ZBTB20: variants seen among roughly 807,000 people sequenced by gnomAD.
ZBTB20 encodes the protein zinc finger and BTB domain-containing protein 20.
In ZBTB20, 9 loss-of-function variants were observed where a neutral mutation model predicts 56.9. The observed-to-expected ratio is 0.16, with a 90% CI of 0.10 to 0.28. The LOEUF (loss-of-function observed/expected upper bound fraction) is 0.28. Among genes scored for constraint, ZBTB20 ranks in the 10% least tolerant of loss-of-function variants. The pLI is 1.00. For missense variants in ZBTB20, 655 were observed against 1,003.0 expected, an observed-to-expected ratio of 0.65 and a Z score of 4.69; for synonymous variants, 417 against 420.7, an observed-to-expected ratio of 0.99 and a Z score of 0.11.
chr3:114,454,175 G>GGGGAGAGAGAGA (rs1192815934), intron 7 of ZBTB20, among the ~76,000 whole-genome samples: 1 of 116,676 alleles, frequency 8.6e-6, no homozygotes, highest in South Asian at 3.2e-4. Flanking sequence ...AAAAGAGAAG[G>GGGGAGAGAGAGA]GAGAGAGAGA....
rs72943839 is a variant in ZBTB20, at chr3:115,038,466, A to G, written c.-507+32753T>C. 5.9e-3 allele frequency among the ~76,000 whole-genome samples: 896 copies of G among 152,306 alleles called. 12 individuals are homozygous for G. The highest frequency in any genetic ancestry group is 0.021 in the African/African-American group (867 of 41,576). On this transcript the variant is annotated intron_variant, in intron 2 of 11. Coordinates refer to ENST00000675478, the MANE Select transcript of ZBTB20 (RefSeq NM_001348800.3). The stretch of plus-strand genomic sequence containing the variant: ...TCACAAATAAATAGATGTAAATACA[A>G]TTAGTACATTGATAAACATACTTCA...
At chr3:114,375,681 CTCGT>C (rs1164039268) in intron 10 of ZBTB20, 2 of 152,190 alleles carry the variant, frequency 1.3e-5, no homozygotes, top group African/African-American at 2.4e-5. Context: ...AGATTTCTGG[CTCGT>C]TATCAGGGAC....
rs2084158338 is a variant in ZBTB20 at position 114,380,252 on chromosome 3, A to C, written c.164T>G (p.Leu55Arg). 5 of 1,537,062 alleles carry C rather than the reference A, an allele frequency of 3.3e-6. No homozygotes were observed. In the East Asian group the frequency reaches 1.2e-4, roughly 38 times the overall value. ...CCCGGTGTGAGCGTGAGAGTTTGTCAGTGAATGTGTTGAGTGGATGAGGGC... is the reference window on the plus strand; with the variant it reads ...CCCGGTGTGAGCGTGAGAGTTTGTCCGTGAATGTGTTGAGTGGATGAGGGC... The part of the protein sequence containing the change: ...DPALIHSTHS[L>R]TNSHAHTGSS... Residue 55 changes from leucine (L) to arginine (R), a missense_variant, in exon 10 of 12, where the codon CTG becomes CGG. Leu to Arg is a moderately radical substitution (Grantham distance 102). Coordinates refer to ENST00000675478, the MANE Select transcript of ZBTB20 (RefSeq NM_001348800.3).
chr3:115,046,135 A>G (rs1312199811), intron 2 of ZBTB20, among the ~76,000 whole-genome samples: 1 of 152,194 alleles, frequency 6.6e-6, no homozygotes. Flanking sequence ...TCTGTCAGGT[A>G]GTTCTAGATA....
intron 6 of ZBTB20, chr3:114,518,579 G>A (rs1053728631): frequency 2.0e-5 from 3 of 152,182 alleles, no homozygotes; most frequent in African/African-American, 7.2e-5. Flanking sequence ...TTAGGAACAT[G>A]TGGCATGCAT....
At position 115,024,437 on chromosome 3, in the gene ZBTB20, C is replaced by T. The variant is rs756899477; in HGVS notation, c.-507+46782G>A. Among the ~76,000 whole-genome samples the T allele has an allele frequency of 5.3e-5, 8 of 151,114 alleles. No homozygotes were observed. In the South Asian group the frequency reaches 8.3e-4, roughly 16 times the overall value. On this transcript the variant is annotated intron_variant, in intron 2 of 11. Transcript: ENST00000675478. ...TACATCTGGTACTCAGAGACCTCTA[C>T]GTTATTCCTTGGATTTTCCCCATAC...
intron 4 of ZBTB20, among the ~76,000 whole-genome samples, chr3:114,887,363 C>A (rs1377726860): frequency 6.6e-6 from 1 of 152,064 alleles, no homozygotes; most frequent in Non-Finnish European, 1.5e-5. Flanking sequence ...CTAGAGTCCC[C>A]AAAATTTCAT....
At chr3:114,985,271 T>C (rs2078488897) in intron 2 of ZBTB20, among the ~76,000 whole-genome samples, 1 of 152,022 alleles carries the variant, frequency 6.6e-6, no homozygotes, top group Non-Finnish European at 1.5e-5. Flanking sequence ...TTTACAGAAA[T>C]CGTTAGCCAT....
intron 3 of ZBTB20, among the ~76,000 whole-genome samples, chr3:114,929,975 A>G (rs2076296185): frequency 6.6e-6 from 1 of 152,234 alleles, no homozygotes; most frequent in Admixed American, 6.5e-5. Flanking sequence ...AATCATTTGA[A>G]TATCAGTTTT....
At chr3:114,442,881 T>A (rs1186410316) in intron 7 of ZBTB20, among the ~76,000 whole-genome samples, 1 of 152,176 alleles carries the variant, frequency 6.6e-6, no homozygotes, top group Non-Finnish European at 1.5e-5. Flanking sequence ...TTTCCATTTT[T>A]TAGACATTTT....
At position 114,368,012 on chromosome 3, in the gene ZBTB20, C is replaced by T. The variant is rs544541961; in HGVS notation, c.199+12205G>A. ...GGACCTGCAACAACTTTCACTTAGG[C>T]TGCATCAATTTTAGTTCATATTAAT... On this transcript the variant is annotated intron_variant, in intron 10 of 11. Transcript: ENST00000675478. Among the ~76,000 whole-genome samples, 9 of 152,290 alleles carry T rather than the reference C, an allele frequency of 5.9e-5. No homozygotes were observed. In the East Asian group the frequency reaches 1.7e-3, roughly 29 times the overall value.
intron 5 of ZBTB20, among the ~76,000 whole-genome samples, chr3:114,763,192 T>C (rs1284158773): frequency 6.6e-6 from 1 of 152,140 alleles, no homozygotes; most frequent in Non-Finnish European, 1.5e-5. Flanking sequence ...GGCTGTATAT[T>C]TGGTTGAGAG....
In ZBTB20 at chr3:114,377,551, A is replaced by G. The variant is rs527740562; in HGVS notation, c.199+2666T>C. Among the ~76,000 whole-genome samples the G allele has an allele frequency of 7.9e-5, 12 of 152,292 alleles. No homozygotes were observed. In the South Asian group the frequency reaches 1.2e-3, roughly 16 times the overall value. ...GTGGCTTACCCACCCATGTCAGTTC[A>G]TATGCAGAGCTGACTTTTCTTTTGT... On this transcript the variant is annotated intron_variant, in intron 10 of 11. Coordinates refer to ENST00000675478, the MANE Select transcript of ZBTB20 (RefSeq NM_001348800.3).
chr3:114,600,641 C>T (rs553390553), intron 6 of ZBTB20, among the ~76,000 whole-genome samples: 9 of 152,024 alleles, frequency 5.9e-5, no homozygotes, highest in African/African-American at 1.7e-4. Context: ...CATTAACTTC[C>T]TCATATTCAT....
chr3:114,972,729 C>T (rs2077936857), intron 3 of ZBTB20, among the ~76,000 whole-genome samples: 2 of 152,114 alleles, frequency 1.3e-5, no homozygotes. Flanking sequence ...CTTTCTCCCT[C>T]TCAGATAATT....
chr3:114,409,705 T>TA (rs1158437938), intron 7 of ZBTB20, among the ~76,000 whole-genome samples: 1 of 152,118 alleles, frequency 6.6e-6, no homozygotes, highest in Non-Finnish European at 1.5e-5. Flanking sequence ...CTATGTTTTT[T>TA]AAAAAACACA....
intron 6 of ZBTB20, among the ~76,000 whole-genome samples, chr3:114,584,261 T>C (rs2054946955): frequency 6.6e-6 from 1 of 152,192 alleles, no homozygotes; most frequent in Non-Finnish European, 1.5e-5. Flanking sequence ...CTAATGTGTA[T>C]TTAAAAAGAG....
intron 10 of ZBTB20, chr3:114,367,269 C>T (rs560952881): frequency 6.6e-6 from 1 of 152,186 alleles, no homozygotes; most frequent in South Asian, 2.1e-4. Context: ...AATCTCTCTT[C>T]TTTTTTTATT....
chr3:114,576,253 A>C (rs1225857275), intron 6 of ZBTB20, among the ~76,000 whole-genome samples: 1 of 151,828 alleles, frequency 6.6e-6, no homozygotes, highest in Non-Finnish European at 1.5e-5. Context: ...TAATCCCAGC[A>C]CTTTGGGAGG....
Sources: allele counts gnomAD v4.1 joint callset (sites outside exome capture counted in the v4.1 genomes callset), GRCh38; gene constraint gnomAD v4.1.1; transcripts MANE v1.5; gene names NCBI Gene and HGNC (gene_info 2026-07-23, HGNC 2026-07-21).